CCM2: variants seen among roughly 807,000 people sequenced by gnomAD.
CCM2 encodes CCM2 scaffold protein.
CCM2 carries 25 observed loss-of-function variants against 44.9 expected under a neutral mutation model. That is an observed-to-expected ratio of 0.56 (90% confidence interval 0.41 to 0.78). The LOEUF (loss-of-function observed/expected upper bound fraction) is 0.78. Ranked by LOEUF, CCM2 falls within the 30% of genes least tolerant of loss-of-function variation. CCM2 has a pLI of 0.00. For missense variants in CCM2, 481 were observed against 580.6 expected, an observed-to-expected ratio of 0.83 and a Z score of 1.76; for synonymous variants, 219 against 241.1, an observed-to-expected ratio of 0.91 and a Z score of 0.85.
At chr7:45,014,473 G>A (rs1235139406) in intron 1 of CCM2, among the ~76,000 whole-genome samples, 4 of 151,964 alleles carry the variant, frequency 2.6e-5, no homozygotes, top group South Asian at 2.1e-4. Context: ...AAAAGCAAAC[G>A]CATAACAAAA....
At chr7:45,019,059 CTTTTT>C (rs34045609) in intron 1 of CCM2, among the ~76,000 whole-genome samples, 2 of 93,308 alleles carry the variant, frequency 2.1e-5, no homozygotes, top group African/African-American at 5.0e-5. Flanking sequence ...TGCGCCTGGC[CTTTTT>C]TTTTTTTTTT....
intron 4 of CCM2, chr7:45,068,069 C>T (rs1798869784): frequency 2.7e-6 from 1 of 363,800 alleles, no homozygotes. Flanking sequence ...GCCCTCAGGC[C>T]AGGCCTTTCA....
chr7:45,066,643 G>T (rs1798788330), intron 4 of CCM2, among the ~76,000 whole-genome samples: 1 of 152,198 alleles, frequency 6.6e-6, no homozygotes, highest in Non-Finnish European at 1.5e-5. Flanking sequence ...GGTCCATGTG[G>T]CAGGAGCTGC....
At chr7:45,018,242 C>T (rs1291848832) in intron 1 of CCM2, among the ~76,000 whole-genome samples, 2 of 152,200 alleles carry the variant, frequency 1.3e-5, no homozygotes, top group Non-Finnish European at 2.9e-5. Flanking sequence ...TGTGTGCGGC[C>T]TGGCTCCTAA....
At chr7:45,038,507 T>C in intron 2 of CCM2, 81 bp downstream of exon 2, 3 of 1,433,570 alleles carry the variant, frequency 2.1e-6, no homozygotes, top group Non-Finnish European at 2.9e-6. Flanking sequence ...CTCTTGAGTT[T>C]ATAAGACACA....
chr7:45,073,057 C>T, intron 7 of CCM2: 1 of 603,954 alleles, frequency 1.7e-6, no homozygotes, highest in Non-Finnish European at 3.0e-6. Context: ...TTGGATGGAG[C>T]TGTTCCCCTG....
At chr7:45,001,904 T>TAATC (rs902891234) in intron 1 of CCM2, among the ~76,000 whole-genome samples, 1 of 152,224 alleles carries the variant, frequency 6.6e-6, no homozygotes, top group Non-Finnish European at 1.5e-5. Flanking sequence ...CTAGAGGAGA[T>TAATC]AATCAGTTGT....
In CCM2 at chr7:45,075,919, C is replaced by T. The variant is rs141205369; in HGVS notation, c.1197C>T (p.Thr399=). The part of the protein sequence containing the change: ...RRALSTTSSS[T]TNGNRATGSS... Reference sequence around the variant, plus strand: ...CCCTGAGCACCACATCCAGTTCCACCACCAATGGGAACAGGGCCACGGGCA... The same window carrying T: ...CCCTGAGCACCACATCCAGTTCCACTACCAATGGGAACAGGGCCACGGGCA... The change falls in exon 10 of 10, where the codon ACC becomes ACT. Residue 399 remains threonine (T), a synonymous_variant. Coordinates refer to ENST00000258781, the MANE Select transcript of CCM2 (RefSeq NM_031443.4). 5.6e-6 allele frequency: 9 copies of T among 1,613,110 alleles called. No homozygotes were observed. Among genetic ancestry groups the T allele is most frequent in the Middle Eastern group, 1.6e-4 (1 of 6,084 alleles).
intron 1 of CCM2, among the ~76,000 whole-genome samples, chr7:45,025,610 C>T (rs368595571): frequency 2.4e-4 from 37 of 151,448 alleles, no homozygotes; most frequent in African/African-American, 7.0e-4. Flanking sequence ...CTCACCTCAC[C>T]GCAACCTCCG....
chr7:45,040,671 AC>A (rs1797447942), intron 2 of CCM2, among the ~76,000 whole-genome samples: 1 of 152,174 alleles, frequency 6.6e-6, no homozygotes, highest in Non-Finnish European at 1.5e-5. Context: ...CTTAGAAGTT[AC>A]TGGAGGATGT....
rs1799119823 is a variant in CCM2 at position 45,072,325 on chromosome 7, A to G, written c.746-401A>G. ...TGTGTGACCTGGGCCAAGTTGTGTA[A>G]CTCTCTGACTTACTTCCTAATCTAC... On this transcript the variant is annotated intron_variant, in intron 6 of 9. Transcript: ENST00000258781. 11 of 352,546 alleles carry G rather than the reference A, an allele frequency of 3.1e-5. 1 individual carries two copies. Among genetic ancestry groups the G allele is most frequent in the South Asian group, 2.5e-4 (11 of 43,952 alleles). The allele number at this position is 352,546 out of a possible 1,614,324, so 21.8% of individuals were successfully genotyped here. A position where few individuals can be genotyped will look rare whatever the true frequency, so the allele number is the denominator to read the frequency against.
intron 2 of CCM2, among the ~76,000 whole-genome samples, chr7:45,059,072 G>A (rs1798402224): frequency 6.6e-6 from 1 of 151,650 alleles, no homozygotes; most frequent in Non-Finnish European, 1.5e-5. Flanking sequence ...GTAGAGATGG[G>A]GTTTCACCAT....
At chr7:45,016,390 C>T (rs555113780) in intron 1 of CCM2, among the ~76,000 whole-genome samples, 111 of 152,162 alleles carry the variant, frequency 7.3e-4, no homozygotes, top group African/African-American at 2.2e-3. Context: ...AGTGCAATGG[C>T]GCGATCTTGG....
intron 1 of CCM2, among the ~76,000 whole-genome samples, chr7:45,024,121 T>C (rs1796596392): frequency 6.6e-6 from 1 of 152,142 alleles, no homozygotes; most frequent in African/African-American, 2.4e-5. Flanking sequence ...TCTGTATCAG[T>C]TTTGAATTTA....
At chr7:45,075,600 GC>G (rs1784194165) in intron 9 of CCM2, among the ~76,000 whole-genome samples, 176 bp from the exon 10 acceptor site, 1 of 152,200 alleles carries the variant, frequency 6.6e-6, no homozygotes, top group Non-Finnish European at 1.5e-5. Flanking sequence ...AAACTGTCTG[GC>G]CCCAGGAAGC....
At chr7:45,057,615 A>G (rs1798326360) in intron 2 of CCM2, among the ~76,000 whole-genome samples, 1 of 152,198 alleles carries the variant, frequency 6.6e-6, no homozygotes, top group South Asian at 2.1e-4. Flanking sequence ...TTTGGTTTAT[A>G]TGAGCAGATA....
intron 2 of CCM2, among the ~76,000 whole-genome samples, chr7:45,042,613 A>G (rs1459058197): frequency 2.6e-5 from 4 of 152,188 alleles, no homozygotes; most frequent in African/African-American, 9.6e-5. Context: ...CAGTGGCACA[A>G]CATTCTTCAA....
chr7:45,016,517 A>G (rs1210778272), intron 1 of CCM2, among the ~76,000 whole-genome samples: 2 of 150,428 alleles, frequency 1.3e-5, no homozygotes, highest in East Asian at 3.9e-4. Context: ...TTTAGTAGAG[A>G]CGGGGTTTCA....
At chr7:45,038,230 A>G in intron 1 of CCM2, 23 bp from the exon 2 acceptor site, 2 of 1,613,446 alleles carry the variant, frequency 1.2e-6, no homozygotes, top group Non-Finnish European at 1.7e-6. Flanking sequence ...ATGAACTCCA[A>G]TCATTGCCGT....
Sources: gnomAD v4.1 joint callset for allele counts (sites outside exome capture counted in the v4.1 genomes callset) on GRCh38, gnomAD v4.1.1 for gene constraint, MANE v1.5 for transcripts, NCBI Gene and HGNC (gene_info 2026-07-23, HGNC 2026-07-21) for gene names.